LYPD6B: variants seen among roughly 807,000 people sequenced by gnomAD.
LYPD6B encodes ly6/PLAUR domain-containing protein 6B.
In LYPD6B, 17 loss-of-function variants were observed where a neutral mutation model predicts 22.8. That is an observed-to-expected ratio of 0.75 (90% confidence interval 0.51 to 1.12). The LOEUF (loss-of-function observed/expected upper bound fraction) is 1.12. Among genes scored for constraint, LYPD6B ranks in the 50% most tolerant of loss-of-function variants. The pLI is 0.00. For missense variants in LYPD6B, 221 were observed against 258.3 expected, an observed-to-expected ratio of 0.86 and a Z score of 0.99; for synonymous variants, 106 against 91.6, an observed-to-expected ratio of 1.16 and a Z score of -0.90.
chr2:149,133,429 T>C lies in LYPD6B; in HGVS notation c.5+2476T>C, dbSNP rs1308295579. Among the ~76,000 whole-genome samples, 6 of 152,210 alleles carry C rather than the reference T, an allele frequency of 3.9e-5. No homozygotes were observed. In the East Asian group the frequency reaches 5.8e-4, roughly 15 times the overall value. ...CTCCCTGTCCTTTGACTTTAGGTGC[T>C]GGAAAGGGAGGCAGTGTAGCCAGAG... On this transcript the variant is annotated intron_variant, in intron 2 of 6. Transcript: ENST00000409642.
intron 3 of LYPD6B, among the ~76,000 whole-genome samples, chr2:149,167,516 T>C (rs977100095): frequency 2.0e-5 from 3 of 152,130 alleles, no homozygotes; most frequent in African/African-American, 7.2e-5. Context: ...AGGAGAAGGA[T>C]GTGAGTGTGG....
At chr2:149,097,470 T>A (rs572081225) in intron 1 of LYPD6B, among the ~76,000 whole-genome samples, 140 of 152,346 alleles carry the variant, frequency 9.2e-4, no homozygotes, top group Admixed American at 2.3e-3. Context: ...AAATTATTTA[T>A]TGTTTTCCTG....
intron 2 of LYPD6B, among the ~76,000 whole-genome samples, chr2:149,145,176 G>C (rs1394003144): frequency 6.6e-6 from 1 of 152,168 alleles, no homozygotes; most frequent in Non-Finnish European, 1.5e-5. Flanking sequence ...GTTCTGACTA[G>C]AGCAGATTCA....
chr2:149,101,760 GGTCAGACTT>G lies in LYPD6B; in HGVS notation c.-66-29122_-66-29114del. Among the ~76,000 whole-genome samples, 2 of 152,346 alleles carry G rather than the reference GGTCAGACTT, an allele frequency of 1.3e-5. 1 individual carries two copies. Among genetic ancestry groups the G allele is most frequent in the South Asian group, 4.1e-4 (2 of 4,828 alleles). On this transcript the variant is annotated intron_variant, in intron 1 of 6. Transcript: ENST00000409642. ...TGCTTACAACCAGGTCCTCAGAGTA[GGTCAGACTT>G]TTATGTGAACTCTGAATGCATCTTG... is the stretch of plus-strand genomic sequence containing the variant.
intron 1 of LYPD6B, among the ~76,000 whole-genome samples, chr2:149,092,945 C>G (rs1685725576): frequency 6.6e-6 from 1 of 152,290 alleles, no homozygotes; most frequent in Non-Finnish European, 1.5e-5. Context: ...ACAGACTAAT[C>G]CACATGTCTT....
At chr2:149,121,170 G>T (rs776136430) in intron 1 of LYPD6B, among the ~76,000 whole-genome samples, 13 of 152,244 alleles carry the variant, frequency 8.5e-5, no homozygotes, top group South Asian at 2.1e-4. Context: ...CATCCCATTG[G>T]ACATATAGGT....
rs183031813 is a variant in LYPD6B, at chr2:149,040,973, T to C, written c.-67+2172T>C. ...CTCACAGTCTAGTTGGAAAGACAGA[T>C]ATGAGGATAACATCGTCTAGGACTC... On this transcript the variant is annotated intron_variant, in intron 1 of 6. Coordinates refer to ENST00000409642, the MANE Select transcript of LYPD6B (RefSeq NM_177964.5). 3.5e-4 allele frequency among the ~76,000 whole-genome samples: 53 copies of C among 152,220 alleles called. 1 individual carries two copies. The East Asian group carries it at 0.01, about 29-fold the overall frequency.
intron 3 of LYPD6B, among the ~76,000 whole-genome samples, chr2:149,168,135 G>T (rs1045958048): frequency 1.3e-5 from 2 of 150,986 alleles, no homozygotes; most frequent in African/African-American, 2.4e-5. Context: ...GCTAGAACGG[G>T]GGAGGCGGAG....
intron 2 of LYPD6B, among the ~76,000 whole-genome samples, chr2:149,141,457 T>C (rs1475320568): frequency 6.6e-6 from 1 of 152,210 alleles, no homozygotes; most frequent in Non-Finnish European, 1.5e-5. Flanking sequence ...AGGAATTACA[T>C]AGCAATGAAT....
intron 1 of LYPD6B, among the ~76,000 whole-genome samples, chr2:149,076,350 TATA>T: frequency 6.6e-6 from 1 of 152,302 alleles, no homozygotes; most frequent in Non-Finnish European, 1.5e-5. Flanking sequence ...GAATGCAGCA[TATA>T]ATAAGAAGTG....
chr2:149,058,970 G>A (rs1683940073), intron 1 of LYPD6B, among the ~76,000 whole-genome samples: 1 of 152,210 alleles, frequency 6.6e-6, no homozygotes, highest in South Asian at 2.1e-4. Context: ...TCGTGATTGA[G>A]ATCTGTCTCT....
chr2:149,083,128 C>A, intron 1 of LYPD6B, among the ~76,000 whole-genome samples: 1 of 152,148 alleles, frequency 6.6e-6, no homozygotes, highest in East Asian at 1.9e-4. Flanking sequence ...GGGGGCATAC[C>A]TGCAGAGCAG....
At chr2:149,123,229 C>T (rs116371616) in intron 1 of LYPD6B, among the ~76,000 whole-genome samples, 2,134 of 152,222 alleles carry the variant, frequency 0.014, 23 homozygotes, top group Middle Eastern at 0.061. Context: ...TTCAGCAGAA[C>T]ATCATTCAGC....
At chr2:149,140,499 C>T (rs1344836874) in intron 2 of LYPD6B, among the ~76,000 whole-genome samples, 1 of 152,124 alleles carries the variant, frequency 6.6e-6, no homozygotes, top group Non-Finnish European at 1.5e-5. Context: ...ATCAGGGGTG[C>T]CCGTTCAGCA....
rs573756070 is a variant in LYPD6B, at chr2:149,160,738, T to G, written c.6-26T>G. ...TTACTCATCGTCAGCAGTGGCTCTT[T>G]CCTTATCTTTTTTTATCTCTGGTAG... On this transcript the variant is annotated intron_variant, in intron 2 of 6. Transcript: ENST00000409642. The G allele has an allele frequency of 1.2e-5, 18 of 1,522,100 alleles. No individual in the cohort carries two copies. The East Asian group carries it at 4.2e-4, about 35-fold the overall frequency. 94.3% of individuals were successfully genotyped at this position (1,522,100 alleles called of 1,614,324 possible). A position where few individuals can be genotyped will look rare whatever the true frequency, so the allele number is the denominator to read the frequency against.
At chr2:149,082,117 C>A (rs1357282600) in intron 1 of LYPD6B, among the ~76,000 whole-genome samples, 3 of 152,222 alleles carry the variant, frequency 2.0e-5, no homozygotes, top group Non-Finnish European at 4.4e-5. Context: ...GGTTTCCCCA[C>A]CCCACTTTAT....
In LYPD6B at chr2:149,189,344, A is replaced by ATATATATATATATATATATG. The variant is rs1261213037; in HGVS notation, c.78-15890_78-15889insGTATATATATATATATATAT. Among the ~76,000 whole-genome samples the ATATATATATATATATATATG allele has an allele frequency of 7.1e-5, 6 of 84,998 alleles. 1 individual carries two copies. The highest frequency in any genetic ancestry group is 1.8e-4 in the African/African-American group (5 of 28,488). 55.8% of individuals were successfully genotyped at this position (84,998 alleles called of 152,430 possible). On this transcript the variant is annotated intron_variant, in intron 3 of 6. Coordinates refer to ENST00000409642, the MANE Select transcript of LYPD6B (RefSeq NM_177964.5). ...CAATTTTTTTGATTTGTCCAAAATT[A>ATATATATATATATATATATG]TATATATATATATATATATATATAC...
chr2:149,147,181 G>A (rs1235260050), intron 2 of LYPD6B, among the ~76,000 whole-genome samples: 1 of 152,170 alleles, frequency 6.6e-6, no homozygotes, highest in African/African-American at 2.4e-5. Context: ...GGGGGTAGTT[G>A]TGTGGCCTCA....
At chr2:149,092,808 C>T (rs1685719313) in intron 1 of LYPD6B, among the ~76,000 whole-genome samples, 1 of 152,192 alleles carries the variant, frequency 6.6e-6, no homozygotes, top group Non-Finnish European at 1.5e-5. Context: ...AGTAAGATAA[C>T]AGTAACCTGG....
Sources: allele counts gnomAD v4.1 joint callset (sites outside exome capture counted in the v4.1 genomes callset), GRCh38; gene constraint gnomAD v4.1.1; transcripts MANE v1.5; gene names NCBI Gene and HGNC (gene_info 2026-07-23, HGNC 2026-07-21).